The following COX16 variants were observed in gnomAD, a reference collection of about 807,000 sequenced individuals.
The protein encoded by COX16 is cytochrome c oxidase assembly factor COX16, also known as cytochrome c oxidase assembly protein COX16 homolog, mitochondrial.
COX16 carries 12 observed loss-of-function variants against 15.4 expected under a neutral mutation model. The observed-to-expected ratio is 0.78, with a 90% confidence interval of 0.50 to 1.26. COX16 has a LOEUF of 1.26. COX16 is among the 50% of genes most tolerant of loss of function. COX16 has a pLI of 0.00. For synonymous variants in COX16, 46 were observed against 41.1 expected, an observed-to-expected ratio of 1.12 and a Z score of -0.46; for missense variants, 124 against 127.6, an observed-to-expected ratio of 0.97 and a Z score of 0.14.
At position 70,326,351 on chromosome 14, in the gene COX16, A is replaced by G. The variant is rs757550165; in HGVS notation, c.303T>C (p.Leu101=). 125 of 1,562,906 alleles carry G rather than the reference A, an allele frequency of 8.0e-5. No individual in the cohort carries two copies. The highest frequency in any genetic ancestry group is 3.6e-4 in the Admixed American group (19 of 53,270). ...AGCAGAGTCAAGTTGTCTTAGTCTT[A>G]AGGCTTTCTGGATTTCTTCCTTGGA... The part of the protein sequence containing the change: ...DLLQGRNPES[L]KTKTT The change falls in exon 4 of 4, where the codon CTT becomes CTC. Residue 101 remains leucine (L), a synonymous_variant. Transcript: ENST00000389912.
At chr14:70,342,092 C>T (rs1290998749) in intron 2 of COX16, among the ~76,000 whole-genome samples, 1 of 152,160 alleles carries the variant, frequency 6.6e-6, no homozygotes, top group Non-Finnish European at 1.5e-5. Context: ...AAAACAGCTA[C>T]ATCAGATCAT....
At chr14:70,329,821 A>C (rs1438715301) in intron 2 of COX16, among the ~76,000 whole-genome samples, 1 of 152,046 alleles carries the variant, frequency 6.6e-6, no homozygotes, top group Non-Finnish European at 1.5e-5. Context: ...CAGGAAAAAG[A>C]GTATGATGGC....
At chr14:70,326,978 A>G (rs1424014356) in intron 3 of COX16, among the ~76,000 whole-genome samples, 1 of 152,230 alleles carries the variant, frequency 6.6e-6, no homozygotes, top group Non-Finnish European at 1.5e-5. Context: ...ACTAACTGCA[A>G]CTACATTATG....
intron 1 of COX16, 146 bp from the exon 2 acceptor site, chr14:70,342,875 CT>C: frequency 2.4e-6 from 2 of 822,402 alleles, no homozygotes; most frequent in Non-Finnish European, 3.8e-6. Flanking sequence ...CACCATTCAT[CT>C]TTTAGAGTAA....
intron 2 of COX16, among the ~76,000 whole-genome samples, chr14:70,330,118 AAAAC>A (rs1886235219): frequency 6.6e-6 from 1 of 152,158 alleles, no homozygotes; most frequent in Non-Finnish European, 1.5e-5. Context: ...TAAGCACAAC[AAAAC>A]AAAAACATTT....
At chr14:70,353,822 CT>C (rs558394905) in intron 1 of COX16, among the ~76,000 whole-genome samples, 3 of 151,844 alleles carry the variant, frequency 2.0e-5, no homozygotes, top group African/African-American at 7.2e-5. Context: ...CCCTACCTTC[CT>C]TTTTTTTATA....
rs4048531 is a variant in COX16, at chr14:70,357,158, C to CAAAAAAAAA, written c.69+2352_69+2360dup. Among the ~76,000 whole-genome samples, 56 of 78,696 alleles carry CAAAAAAAAA rather than the reference C, an allele frequency of 7.1e-4. 3 individuals carry two copies. The highest frequency in any genetic ancestry group is 9.9e-4 in the Non-Finnish European group (41 of 41,426). The allele number at this position is 78,696 out of a possible 152,430, so 51.6% of individuals were successfully genotyped here. A position where few individuals can be genotyped will look rare whatever the true frequency, so the allele number is the denominator to read the frequency against. ...CAGACTTCTCCTAGGAAGCGTTTGTCAAAAAAAAAAAAAAAAAAAAAAAAA... is the reference window on the plus strand; with the variant it reads ...CAGACTTCTCCTAGGAAGCGTTTGTCAAAAAAAAAAAAAAAAAAAAAAAAAAAAAAAAAA... On this transcript the variant is annotated intron_variant, in intron 1 of 3. Coordinates refer to ENST00000389912, the MANE Select transcript of COX16 (RefSeq NM_016468.7).
intron 1 of COX16, 122 bp from the exon 2 acceptor site, chr14:70,342,851 T>G: frequency 9.9e-7 from 1 of 1,009,784 alleles, no homozygotes; most frequent in Admixed American, 2.8e-5. Flanking sequence ...TATAGATTAT[T>G]TTTCCTGGTG....
intron 1 of COX16, among the ~76,000 whole-genome samples, chr14:70,351,729 T>G (rs1886962511): frequency 6.6e-6 from 1 of 152,172 alleles, no homozygotes; most frequent in Non-Finnish European, 1.5e-5. Context: ...CAGAACACAG[T>G]TTATTTACTC....
intron 2 of COX16, 68 bp from the exon 3 acceptor site, chr14:70,329,304 G>T: frequency 1.2e-5 from 16 of 1,367,928 alleles, no homozygotes; most frequent in African/African-American, 1.5e-5. Context: ...TCAATTTTAA[G>T]TTATAGAAGA....
chr14:70,329,331 T>C (rs1886203538), intron 2 of COX16, 95 bp from the exon 3 acceptor site: 3 of 1,136,634 alleles, frequency 2.6e-6, no homozygotes, highest in Non-Finnish European at 3.7e-6. Flanking sequence ...TGAAATACTA[T>C]AGCCAAATAC....
chr14:70,335,381 A>T (rs983357994), intron 2 of COX16, among the ~76,000 whole-genome samples: 1 of 152,184 alleles, frequency 6.6e-6, no homozygotes, highest in Non-Finnish European at 1.5e-5. Flanking sequence ...GTGTCATCAG[A>T]CTGCTGCAGA....
intron 3 of COX16, among the ~76,000 whole-genome samples, chr14:70,327,694 C>T (rs1000666530): frequency 6.6e-6 from 1 of 152,006 alleles, no homozygotes; most frequent in Non-Finnish European, 1.5e-5. Context: ...ATCCAGGTAA[C>T]GTAAGATATG....
intron 1 of COX16, among the ~76,000 whole-genome samples, chr14:70,345,756 G>C (rs951243283): frequency 6.6e-6 from 1 of 152,040 alleles, no homozygotes; most frequent in African/African-American, 2.4e-5. Flanking sequence ...TTGCTTACCT[G>C]TTCAAATCCT....
At position 70,342,731 on chromosome 14, in the gene COX16, T is replaced by G; in HGVS notation, c.70-2A>C. The G allele has an allele frequency of 6.2e-7, 1 of 1,611,864 alleles. No homozygotes were observed. The highest frequency in any genetic ancestry group is 1.7e-4 in the Middle Eastern group (1 of 6,054). ...AAAAGAACCTCCAACAATCAGCAAC[T>G]AAAACAAAGAAAGGAAACATTTAAG... On this transcript the variant is annotated splice_acceptor_variant, in intron 1 of 3. Transcript: ENST00000389912. LOFTEE classifies it high-confidence loss of function.
chr14:70,326,938 T>C (rs1886098897), intron 3 of COX16, among the ~76,000 whole-genome samples: 1 of 152,180 alleles, frequency 6.6e-6, no homozygotes. Context: ...CAGCTATCTA[T>C]CATAAGCAAA....
chr14:70,332,963 C>T (rs925312984), intron 2 of COX16, among the ~76,000 whole-genome samples: 1 of 152,242 alleles, frequency 6.6e-6, no homozygotes, highest in Non-Finnish European at 1.5e-5. Flanking sequence ...AAAGCCATGC[C>T]AACCTTGGAG....
chr14:70,342,539 CAT>C, intron 2 of COX16, 117 bp downstream of exon 2: 1 of 880,244 alleles, frequency 1.1e-6, no homozygotes, highest in East Asian at 2.9e-5. Flanking sequence ...ACAAAGATCA[CAT>C]CTTAGTGTTG....
At chr14:70,349,941 C>CA (rs1371104826) in intron 1 of COX16, among the ~76,000 whole-genome samples, 7 of 152,208 alleles carry the variant, frequency 4.6e-5, no homozygotes, top group African/African-American at 1.7e-4. Context: ...GCTCCTGATA[C>CA]AACGACATGG....
Sources: gnomAD v4.1 joint callset for allele counts (sites outside exome capture counted in the v4.1 genomes callset) on GRCh38, gnomAD v4.1.1 for gene constraint, MANE v1.5 for transcripts, NCBI Gene and HGNC (gene_info 2026-07-23, HGNC 2026-07-21) for gene names.